Variants in RFC3 observed in about 807,000 individuals in gnomAD.
RFC3 encodes the protein A1 38 kDa subunit.
RFC3 carries 41 observed loss-of-function variants against 45.1 expected under a neutral mutation model. That is an observed-to-expected ratio of 0.91 (90% CI 0.71 to 1.18). RFC3 has a LOEUF of 1.18. Ranked by LOEUF, RFC3 falls within the 50% of genes most tolerant of loss-of-function variation. The pLI is 0.00. For synonymous variants in RFC3, 149 were observed against 144.0 expected, an observed-to-expected ratio of 1.03 and a Z score of -0.25; for missense variants, 423 against 428.1, an observed-to-expected ratio of 0.99 and a Z score of 0.10.
chr13:33,923,299 T>G (rs1445853810), intron 8 of RFC3, among the ~76,000 whole-genome samples: 2 of 152,042 alleles, frequency 1.3e-5, no homozygotes, highest in East Asian at 3.9e-4. Flanking sequence ...CCTGAAGCCT[T>G]TCCTTTACTT....
At chr13:33,841,327 C>T (rs930996072), downstream of RFC3, among the ~76,000 whole-genome samples, 2 of 152,178 alleles carry the variant, frequency 1.3e-5, no homozygotes, top group South Asian at 4.1e-4. Flanking sequence ...ACAGTACATA[C>T]TATGCTGCCT....
Position 33,830,024 on chromosome 13 carries a change from C to A in RFC3, c.573+7C>A. On this transcript the variant is annotated splice_region_variant and intron_variant, in intron 5 of 8. Transcript: ENST00000380071. ...TGCTCCCAGCATTGAAGATGTAGGT[C>A]AAGTTACACTTTTCTGAAAAATAAA... The A allele has an allele frequency of 6.2e-7, 1 of 1,609,958 alleles. No individual in the cohort carries two copies. Among genetic ancestry groups the A allele is most frequent in the South Asian group, 1.1e-5 (1 of 90,728 alleles).
At chr13:33,876,833 C>T (rs764223041) in intron 8 of RFC3, among the ~76,000 whole-genome samples, 28 of 152,166 alleles carry the variant, frequency 1.8e-4, no homozygotes, top group Non-Finnish European at 3.2e-4. Context: ...TTGGCCAGAT[C>T]GAGCTAGATT....
intron 8 of RFC3, among the ~76,000 whole-genome samples, chr13:33,961,180 C>A (rs2083055019): frequency 6.6e-6 from 1 of 152,162 alleles, no homozygotes; most frequent in African/African-American, 2.4e-5. Flanking sequence ...CCGCCTATTA[C>A]ACACATGGTC....
intron 2 of RFC3, 43 bp from the exon 3 acceptor site, chr13:33,823,874 G>A: frequency 2.0e-6 from 2 of 992,516 alleles, no homozygotes; most frequent in South Asian, 3.0e-5. Flanking sequence ...TGGGGAAATA[G>A]GCAATAAATA....
At chr13:33,937,582 G>A (rs2137791685) in intron 8 of RFC3, among the ~76,000 whole-genome samples, 1 of 152,258 alleles carries the variant, frequency 6.6e-6, no homozygotes. Flanking sequence ...CTTGGTCTGT[G>A]CTTTTCCTGT....
At chr13:33,888,385 C>T (rs1263261860) in intron 8 of RFC3, among the ~76,000 whole-genome samples, 1 of 152,022 alleles carries the variant, frequency 6.6e-6, no homozygotes, top group Non-Finnish European at 1.5e-5. Context: ...ACAGAGTAGT[C>T]ACTCCTAGTT....
intron 8 of RFC3, chr13:33,965,945 A>G (rs1164708122): frequency 2.1e-5 from 13 of 629,828 alleles, no homozygotes; most frequent in Non-Finnish European, 3.7e-5. Flanking sequence ...TCTTTGCCTT[A>G]TTTTCTTAAT....
At chr13:33,857,611 T>C (rs1036156520) in intron 8 of RFC3, among the ~76,000 whole-genome samples, 1 of 152,196 alleles carries the variant, frequency 6.6e-6, no homozygotes, top group African/African-American at 2.4e-5. Context: ...TATTTTTGCT[T>C]CATTTTCTCC....
chr13:33,886,529 C>T (rs1241677808), intron 8 of RFC3, among the ~76,000 whole-genome samples: 12 of 144,420 alleles, frequency 8.3e-5, no homozygotes, highest in Non-Finnish European at 1.7e-4. Context: ...AGCAAGACTC[C>T]ATCTGAAAAA....
chr13:33,905,327 G>A (rs1198277414), intron 8 of RFC3, among the ~76,000 whole-genome samples: 1 of 152,004 alleles, frequency 6.6e-6, no homozygotes, highest in Admixed American at 6.6e-5. Flanking sequence ...TCTGAAATCA[G>A]GATAGGCCTA....
intron 7 of RFC3, among the ~76,000 whole-genome samples, chr13:33,834,154 C>CT (rs928230441): frequency 2.2e-4 from 31 of 142,668 alleles, no homozygotes; most frequent in East Asian, 8.1e-4. Flanking sequence ...AATGCTAGTT[C>CT]TTTTTTTTTT....
At chr13:33,929,977 G>A (rs2082841503) in intron 8 of RFC3, among the ~76,000 whole-genome samples, 1 of 151,970 alleles carries the variant, frequency 6.6e-6, no homozygotes, top group African/African-American at 2.4e-5. Context: ...GAATATTTGT[G>A]ATAATTTGAT....
chr13:33,911,774 A>G (rs1052804507), intron 8 of RFC3, among the ~76,000 whole-genome samples: 1 of 152,062 alleles, frequency 6.6e-6, no homozygotes, highest in Non-Finnish European at 1.5e-5. Flanking sequence ...TACCACAAGA[A>G]CAACACTAAG....
At chr13:33,903,148 G>C (rs76765909) in intron 8 of RFC3, among the ~76,000 whole-genome samples, 1 of 151,930 alleles carries the variant, frequency 6.6e-6, no homozygotes, top group Non-Finnish European at 1.5e-5. Context: ...CCAAATCCCG[G>C]TTACTCTCTC....
At chr13:33,861,495 A>T (rs1269224232) in intron 8 of RFC3, among the ~76,000 whole-genome samples, 1 of 151,968 alleles carries the variant, frequency 6.6e-6, no homozygotes, top group African/African-American at 2.4e-5. Flanking sequence ...AGGCATGGTG[A>T]ATTAGCCGGG....
chr13:33,860,916 T>TG (rs1394744876), intron 8 of RFC3, among the ~76,000 whole-genome samples: 1 of 14,224 alleles, frequency 7.0e-5, no homozygotes, highest in Non-Finnish European at 1.3e-3. Context: ...TATATATATA[T>TG]TTTTTTACCA....
intron 8 of RFC3, among the ~76,000 whole-genome samples, chr13:33,873,973 A>G (rs1413092597): frequency 6.6e-6 from 1 of 152,208 alleles, no homozygotes; most frequent in Non-Finnish European, 1.5e-5. Flanking sequence ...ATCAAAATTT[A>G]ATGCTTTTGT....
chr13:33,945,885 T>G (rs767424193), intron 8 of RFC3, among the ~76,000 whole-genome samples: 2 of 152,144 alleles, frequency 1.3e-5, no homozygotes, highest in African/African-American at 4.8e-5. Context: ...CATCTTGGAG[T>G]CATCTTTGTT....
Sources: allele counts gnomAD v4.1 joint callset (sites outside exome capture counted in the v4.1 genomes callset), GRCh38; gene constraint gnomAD v4.1.1; transcripts MANE v1.5; gene names NCBI Gene and HGNC (gene_info 2026-07-23, HGNC 2026-07-21).